DNAH2: variants seen among roughly 807,000 people sequenced by gnomAD.
The protein encoded by DNAH2 is dynein axonemal heavy chain 2.
Under a neutral mutation model 523.5 loss-of-function variants are expected in DNAH2, and 323 were observed. The observed-to-expected ratio is 0.62, with a 90% CI of 0.56 to 0.68. The LOEUF (loss-of-function observed/expected upper bound fraction) is 0.68, where lower values mean the gene tolerates loss of function less well. DNAH2 is among the 30% of genes least tolerant of loss of function. DNAH2 has a pLI of 0.00. For missense variants in DNAH2, 4,907 were observed against 5,701.5 expected (o/e 0.86, Z 4.49); for synonymous variants, 2,093 against 2,177.4 (o/e 0.96, Z 1.08).
Position 7,780,026 on chromosome 17 carries a change from T to C in DNAH2, c.5723-131T>C. On this transcript the variant is annotated intron_variant, in intron 36 of 85. Transcript: ENST00000572933. This position sits in a 1 kb window ranked among gnomAD's most constrained non-coding sequence, Gnocchi z 4.4. ...GGGGCTGAGATGAGAAAGGATGTGGTCTTGGAGTTGGAGAGAAAGTTAGGG... is the reference window on the plus strand; with the variant it reads ...GGGGCTGAGATGAGAAAGGATGTGGCCTTGGAGTTGGAGAGAAAGTTAGGG... The C allele has an allele frequency of 8.2e-7, 1 of 1,218,938 alleles. No homozygotes were observed. The highest frequency in any genetic ancestry group is 1.2e-6 in the Non-Finnish European group (1 of 868,276). 75.5% of individuals were successfully genotyped at this position (1,218,938 alleles called of 1,614,324 possible).
intron 12 of DNAH2, among the ~76,000 whole-genome samples, chr17:7,748,194 C>G (rs150624450): frequency 1.4e-3 from 215 of 152,348 alleles, no homozygotes; most frequent in African/African-American, 5.1e-3. Flanking sequence ...ACAGATTGCA[C>G]TTAACACAAA....
In DNAH2 at chr17:7,833,201, G is replaced by C; in HGVS notation, c.13109G>C (p.Ser4370Thr). Reference protein sequence around the residue: ...MPTIHFRPAESRKKSAKGMYS... With the variant: ...MPTIHFRPAETRKKSAKGMYS... Reference sequence around the variant, plus strand: ...ACGATCCACTTCCGGCCTGCAGAGAGCCGCAAGAAGAGCGCCAAGGGTGGG... The same window carrying C: ...ACGATCCACTTCCGGCCTGCAGAGACCCGCAAGAAGAGCGCCAAGGGTGGG... Residue 4370 changes from serine to threonine, a missense_variant, in exon 85 of 86, where the codon AGC (serine) becomes ACC (threonine). Transcript: ENST00000572933. The C allele has an allele frequency of 1.9e-6, 3 of 1,607,576 alleles. No homozygotes were observed. Among genetic ancestry groups the C allele is most frequent in the Non-Finnish European group, 2.5e-6 (3 of 1,179,990 alleles).
rs1003014100 is a variant in DNAH2, at chr17:7,739,949, C to A, written c.1376+11C>A. The A allele has an allele frequency of 6.2e-7, 1 of 1,612,756 alleles. No individual in the cohort carries two copies. The highest frequency in any genetic ancestry group is 1.7e-5 in the Admixed American group (1 of 59,928). On this transcript the variant is annotated intron_variant, in intron 9 of 85. Coordinates refer to ENST00000572933, the MANE Select transcript of DNAH2 (RefSeq NM_020877.5). ...TGAAGACTACAATAAGTGAGGGAAC[C>A]ACAGGCTGATGCCAGGCGTGGGCAG...
At position 7,758,641 on chromosome 17, in the gene DNAH2, A is replaced by G; in HGVS notation, c.2198A>G (p.His733Arg). The change falls in exon 14 of 86, where the codon CAT becomes CGT. Residue 733 changes from histidine to arginine, a missense_variant. By Grantham distance (29) the His-to-Arg change is conservative (BLOSUM62 0). Coordinates refer to ENST00000572933, the MANE Select transcript of DNAH2 (RefSeq NM_020877.5). ...SAFFITECRIHASKVQMIVNE... is the reference protein window; with the variant it reads ...SAFFITECRIRASKVQMIVNE... ...TTCTTCATCACGGAGTGCCGTATAC[A>G]TGCCAGCAAGGTGGGCCATGGTCCT... 1.2e-6 allele frequency: 2 copies of G among 1,612,172 alleles called. No homozygotes were observed. The highest frequency in any genetic ancestry group is 1.7e-5 in the Admixed American group (1 of 59,578).
intron 49 of DNAH2, 90 bp from the exon 50 acceptor site, chr17:7,796,374 A>C: frequency 6.9e-7 from 1 of 1,455,044 alleles, no homozygotes; most frequent in South Asian, 1.4e-5. Context: ...ACACCCCCTT[A>C]AATTGTGCCC....
At chr17:7,741,293 T>TCTTTCTTTCTTTCTTTCTTTCTTC (rs1555540783) in intron 11 of DNAH2, among the ~76,000 whole-genome samples, 64 of 61,570 alleles carry the variant, frequency 1.0e-3, no homozygotes, top group South Asian at 1.5e-3. Context: ...TTTCTTTCTT[T>TCTTTCTTTCTTTCTTTCTTTCTTC]CTTCCTTCCT....
Position 7,791,785 on chromosome 17 carries a change from C to G in DNAH2, c.6901-132C>G, listed in dbSNP as rs561163643. 8.2e-6 allele frequency: 7 copies of G among 850,810 alleles called. No individual in the cohort carries two copies. The African/African-American group carries it at 1.2e-4, about 15-fold the overall frequency. The allele number at this position is 850,810 out of a possible 1,614,324, so 52.7% of individuals were successfully genotyped here. Reference sequence around the variant, plus strand: ...TAGATAAACATCCACATTTGGAAAACTGTGCGATTTTCCAAATAGAGCCAG... The same window carrying G: ...TAGATAAACATCCACATTTGGAAAAGTGTGCGATTTTCCAAATAGAGCCAG... On this transcript the variant is annotated intron_variant, in intron 44 of 85. Coordinates refer to ENST00000572933, the MANE Select transcript of DNAH2 (RefSeq NM_020877.5).
rs2151300080 is a variant in DNAH2 at position 7,805,240 on chromosome 17, C to T, written c.9301-12C>T. The T allele has an allele frequency of 6.2e-7, 1 of 1,614,012 alleles. No individual in the cohort carries two copies. Among genetic ancestry groups the T allele is most frequent in the Non-Finnish European group, 8.5e-7 (1 of 1,179,930 alleles). On this transcript the variant is annotated splice_polypyrimidine_tract_variant and intron_variant, in intron 60 of 85. Coordinates refer to ENST00000572933, the MANE Select transcript of DNAH2 (RefSeq NM_020877.5). ...TCCTGTCTTACCCTCACTTTATCCC[C>T]TTTTCCCCCAGGCCCTGGAGTCTCT...
rs751485614 is a variant in DNAH2, at chr17:7,831,811, T to G, written c.12726+36T>G. 1 of 1,577,706 alleles carries G rather than the reference T, an allele frequency of 6.3e-7. No homozygotes were observed. Among genetic ancestry groups the G allele is most frequent in the South Asian group, 1.1e-5 (1 of 88,900 alleles). Reference sequence around the variant, plus strand: ...ACCATTGTTGATCCTTCTCCAACAATGAGCTCCCCTCTCAATCCTGGGCCC... The same window carrying G: ...ACCATTGTTGATCCTTCTCCAACAAGGAGCTCCCCTCTCAATCCTGGGCCC... On this transcript the variant is annotated intron_variant, in intron 82 of 85. Transcript: ENST00000572933. This position sits in a 1 kb window ranked among gnomAD's most constrained non-coding sequence, Gnocchi z 4.2.
Position 7,781,111 on chromosome 17 carries a change from G to A in DNAH2, c.6073G>A (p.Ala2025Thr), listed in dbSNP as rs773587349. Residue 2025 changes from alanine (A) to threonine (T), a missense_variant, in exon 39 of 86, where the codon GCC becomes ACC. By Grantham distance (58) the Ala-to-Thr change is moderately conservative. Coordinates refer to ENST00000572933, the MANE Select transcript of DNAH2 (RefSeq NM_020877.5). Reference sequence around the variant, plus strand: ...TTCAGTTGATGCACCCCTGTTCAATGCCATCGTGCAAGATCTGTTTCCCAA... The same window carrying A: ...TTCAGTTGATGCACCCCTGTTCAATACCATCGTGCAAGATCTGTTTCCCAA... ...LTSVDAPLFNAIVQDLFPNIE... is the reference protein window; with the variant it reads ...LTSVDAPLFNTIVQDLFPNIE... The A allele has an allele frequency of 3.1e-6, 5 of 1,614,194 alleles. No homozygotes were observed. Among genetic ancestry groups the A allele is most frequent in the Admixed American group, 3.3e-5 (2 of 60,032 alleles).
chr17:7,726,672 T>C, intron 3 of DNAH2, among the ~76,000 whole-genome samples: 1 of 152,136 alleles, frequency 6.6e-6, no homozygotes. Context: ...GACTTTTACC[T>C]AGTATTTTAC....
At chr17:7,815,920 G>C (rs2077653661) in intron 63 of DNAH2, among the ~76,000 whole-genome samples, 1 of 152,204 alleles carries the variant, frequency 6.6e-6, no homozygotes, top group Non-Finnish European at 1.5e-5. Context: ...TCCATCTCTA[G>C]TGTGGGACCT....
In DNAH2 at chr17:7,807,514, A is replaced by G; in HGVS notation, c.9657A>G (p.Arg3219=). 1 of 1,613,584 alleles carries G rather than the reference A, an allele frequency of 6.2e-7. No homozygotes were observed. Among genetic ancestry groups the G allele is most frequent in the Non-Finnish European group, 8.5e-7 (1 of 1,180,012 alleles). ...LYRVVEPKRI[R]MNAALAQLRE... ...GGGTGGTGGAGCCCAAGCGAATCCG[A>G]ATGAACGCTGCCTTGGCTCAGCTTC... Residue 3219 remains arginine, a synonymous_variant, in exon 63 of 86, where the codon CGA becomes CGG. Transcript: ENST00000572933. This position sits in a 1 kb window ranked among gnomAD's most constrained non-coding sequence, Gnocchi z 5.6.
intron 2 of DNAH2, among the ~76,000 whole-genome samples, chr17:7,720,437 C>A (rs1350046742): frequency 6.6e-6 from 1 of 152,140 alleles, no homozygotes; most frequent in Non-Finnish European, 1.5e-5. Context: ...TTCAGGATGA[C>A]AGGAAAGAAG....
At chr17:7,761,951 C>G (rs1194951688) in intron 18 of DNAH2, among the ~76,000 whole-genome samples, 1 of 151,388 alleles carries the variant, frequency 6.6e-6, no homozygotes, top group African/African-American at 2.4e-5. Context: ...CTCCTGAGGG[C>G]TCTAGAGTAG....
intron 56 of DNAH2, 88 bp from the exon 57 acceptor site, chr17:7,801,490 A>G: frequency 6.3e-7 from 1 of 1,576,192 alleles, no homozygotes; most frequent in Non-Finnish European, 8.7e-7. Flanking sequence ...TTAGGTTCTT[A>G]GAAAGTGAGT....
chr17:7,753,147 T>A (rs2075735926), intron 12 of DNAH2, among the ~76,000 whole-genome samples: 1 of 152,196 alleles, frequency 6.6e-6, no homozygotes. Context: ...AGAAGGAGGT[T>A]GGATGTCGGA....
In DNAH2 at chr17:7,793,120, C is replaced by T. The variant is rs774045529; in HGVS notation, c.7484C>T (p.Ser2495Phe). 6 of 1,614,080 alleles carry T rather than the reference C, an allele frequency of 3.7e-6. No individual in the cohort carries two copies. Among genetic ancestry groups the T allele is most frequent in the Admixed American group, 1.7e-5 (1 of 60,008 alleles). The change falls in exon 48 of 86, where the codon TCC becomes TTC. Residue 2495 changes from serine (S) to phenylalanine (F), a missense_variant. Physicochemically the swap from Ser to Phe is radical, Grantham distance 155. Coordinates refer to ENST00000572933, the MANE Select transcript of DNAH2 (RefSeq NM_020877.5). ...ATGCCCGCTAAGGACATGTTTGGGTCCCAGCCACCCCTGGAGCTGATCCGC... is the reference window on the plus strand; with the variant it reads ...ATGCCCGCTAAGGACATGTTTGGGTTCCAGCCACCCCTGGAGCTGATCCGC... ...LNMPAKDMFGSQPPLELIRLW... is the reference protein window; with the variant it reads ...LNMPAKDMFGFQPPLELIRLW...
At chr17:7,820,468 G>A (rs753542574) in intron 72 of DNAH2, among the ~76,000 whole-genome samples, 8 of 152,164 alleles carry the variant, frequency 5.3e-5, no homozygotes, top group African/African-American at 1.9e-4. Flanking sequence ...GGGCCTGAGC[G>A]TCCCTGACTG....
Sources: gnomAD v4.1 joint callset for allele counts (sites outside exome capture counted in the v4.1 genomes callset) on GRCh38, gnomAD v4.1.1 for gene constraint, Gnocchi (gnomAD v3.1) non-coding constraint, MANE v1.5 for transcripts, NCBI Gene and HGNC (gene_info 2026-07-23, HGNC 2026-07-21) for gene names.